Variants in RGPD2 observed in about 807,000 individuals in gnomAD.
The protein encoded by RGPD2 is RANBP2-like and GRIP domain-containing protein 2.
Under a neutral mutation model 36.0 loss-of-function variants are expected in RGPD2, and 2 were observed. The observed-to-expected ratio is 0.06, with a 90% CI of 0.02 to 0.17. The LOEUF is 0.17. Among genes scored for constraint, RGPD2 ranks in the 10% least tolerant of loss-of-function variants. RGPD2 has a pLI of 1.00. For missense variants in RGPD2, 40 were observed against 464.3 expected, an observed-to-expected ratio of 0.09 and a Z score of 8.40; for synonymous variants, 19 against 163.8, an observed-to-expected ratio of 0.12 and a Z score of 6.75.
the RGPD2 span, among the ~76,000 whole-genome samples, chr2:87,847,076 T>G: frequency 6.6e-6 from 1 of 152,188 alleles, no homozygotes; most frequent in Non-Finnish European, 1.5e-5. Context: ...TCATCAACAG[T>G]GGTAATTCAT....
chr2:87,983,563 T>C, the RGPD2 span, among the ~76,000 whole-genome samples: 32 of 123,350 alleles, frequency 2.6e-4, no homozygotes, highest in African/African-American at 9.0e-4. Context: ...ATCTTTGCCT[T>C]CCTAGAATTT....
At chr2:87,763,350 G>C (rs1014676081) in intron 22 of RGPD2, among the ~76,000 whole-genome samples, 1 of 149,772 alleles carries the variant, frequency 6.7e-6, no homozygotes, top group African/African-American at 2.5e-5. Context: ...GTAGAGACGG[G>C]GTTTCACCGT....
intron 1 of RGPD2, among the ~76,000 whole-genome samples, chr2:87,822,117 G>A (rs1405432367): frequency 6.6e-6 from 1 of 152,086 alleles, no homozygotes; most frequent in African/African-American, 2.4e-5. Flanking sequence ...TCCCAACAAG[G>A]GTGAAGGCCG....
chr2:87,945,131 C>T, the RGPD2 span, among the ~76,000 whole-genome samples: 3 of 152,100 alleles, frequency 2.0e-5, no homozygotes, highest in East Asian at 1.9e-4. Flanking sequence ...TTTATAACAT[C>T]GTTTATAATT....
the RGPD2 span, among the ~76,000 whole-genome samples, chr2:87,841,585 G>T: frequency 6.6e-6 from 1 of 151,672 alleles, no homozygotes; most frequent in South Asian, 2.1e-4. Context: ...TCTTGGGAGG[G>T]TGTATCCATG....
the RGPD2 span, among the ~76,000 whole-genome samples, chr2:87,980,035 CAT>C: frequency 4.6e-5 from 7 of 151,208 alleles, no homozygotes; most frequent in African/African-American, 1.7e-4. Flanking sequence ...TTTAAAAAAA[CAT>C]ATTTGGACCA....
chr2:87,877,755 A>G, the RGPD2 span, among the ~76,000 whole-genome samples: 1 of 130,370 alleles, frequency 7.7e-6, no homozygotes, highest in Non-Finnish European at 1.6e-5. Flanking sequence ...CAGTGAACTG[A>G]GGTCATGCCA....
At chr2:87,985,716 T>C in the RGPD2 span, 2 of 1,565,124 alleles carry the variant, frequency 1.3e-6, no homozygotes, top group East Asian at 2.2e-5. Context: ...AAAACAATTG[T>C]ATTTACTTAC....
the RGPD2 span, among the ~76,000 whole-genome samples, chr2:87,964,596 C>T: frequency 0.038 from 5,749 of 151,186 alleles, 126 homozygotes; most frequent in African/African-American, 0.13. Context: ...TACAGTGGCA[C>T]GATCTCAGCT....
chr2:87,984,080 A>G, the RGPD2 span, among the ~76,000 whole-genome samples: 1 of 140,778 alleles, frequency 7.1e-6, no homozygotes, highest in African/African-American at 2.6e-5. Context: ...TAGACAAAGG[A>G]CATGAAATAT....
the RGPD2 span, among the ~76,000 whole-genome samples, chr2:87,902,043 T>A: frequency 6.6e-6 from 1 of 152,040 alleles, no homozygotes; most frequent in Non-Finnish European, 1.5e-5. Context: ...TCTAGGGTAG[T>A]TAAGATACCT....
the RGPD2 span, among the ~76,000 whole-genome samples, chr2:87,877,510 A>C: frequency 1.3e-5 from 2 of 152,070 alleles, no homozygotes; most frequent in Admixed American, 6.5e-5. Flanking sequence ...TCTTTTCTTT[A>C]AGAATATTGA....
At chr2:87,894,739 G>A in the RGPD2 span, among the ~76,000 whole-genome samples, 1 of 137,748 alleles carries the variant, frequency 7.3e-6, no homozygotes, top group African/African-American at 2.7e-5. Context: ...CTTTCAAAAA[G>A]TTGAGCAGTG....
At chr2:87,930,012 A>G in the RGPD2 span, among the ~76,000 whole-genome samples, 1 of 22,440 alleles carries the variant, frequency 4.5e-5, no homozygotes, top group East Asian at 6.6e-4. Context: ...GTCATTTACA[A>G]ACAGTAAGAG....
chr2:87,988,541 A>ATATATATATTTTTTTTT, the RGPD2 span, among the ~76,000 whole-genome samples: 1 of 54,152 alleles, frequency 1.8e-5, no homozygotes, highest in Non-Finnish European at 4.2e-5. Flanking sequence ...ATATATATAT[A>ATATATATATTTTTTTTT]TTTTTTTTTT....
At chr2:87,965,093 T>G in the RGPD2 span, among the ~76,000 whole-genome samples, 1 of 142,024 alleles carries the variant, frequency 7.0e-6, no homozygotes, top group African/African-American at 2.5e-5. Flanking sequence ...TCTCAAAACT[T>G]GGCCTTCGGC....
At chr2:87,966,564 A>AAAAATAAAAT in the RGPD2 span, among the ~76,000 whole-genome samples, 32 of 148,194 alleles carry the variant, frequency 2.2e-4, no homozygotes, top group African/African-American at 7.1e-4. Flanking sequence ...CAAAAGCAGA[A>AAAAATAAAAT]AAAATAAAAT....
chr2:87,944,015 T>C, the RGPD2 span, among the ~76,000 whole-genome samples: 8 of 152,150 alleles, frequency 5.3e-5, no homozygotes, highest in East Asian at 1.4e-3. Flanking sequence ...TTGTCTACTA[T>C]AGCTTTGTCA....
the RGPD2 span, among the ~76,000 whole-genome samples, chr2:87,984,228 T>C: frequency 1.3e-5 from 2 of 152,064 alleles, no homozygotes; most frequent in East Asian, 1.9e-4. Flanking sequence ...TGTGGTGAAA[T>C]GGGCGCTTTT....
Sources: gnomAD v4.1 joint callset for allele counts (sites outside exome capture counted in the v4.1 genomes callset) on GRCh38, gnomAD v4.1.1 for gene constraint, MANE v1.5 for transcripts, NCBI Gene and HGNC (gene_info 2026-07-23, HGNC 2026-07-21) for gene names.